Variants in KLHL15 observed in about 807,000 individuals in gnomAD.
The protein encoded by KLHL15 is kelch-like protein 15.
A neutral mutation model predicts 29.3 loss-of-function variants in KLHL15; 1 was observed. The observed-to-expected ratio is 0.03, with a 90% confidence interval of 0.01 to 0.16. The LOEUF (loss-of-function observed/expected upper bound fraction) is 0.16. Among genes scored for constraint, KLHL15 ranks in the 10% least tolerant of loss-of-function variants. The pLI is 1.00. For missense variants in KLHL15, 215 were observed against 478.5 expected, an observed-to-expected ratio of 0.45 and a Z score of 5.14; for synonymous variants, 212 against 184.5, an observed-to-expected ratio of 1.15 and a Z score of -1.21.
At chrX:24,003,637 G>A (rs1167401906) in intron 3 of KLHL15, among the ~76,000 whole-genome samples, 2 of 84,161 alleles carry the variant, frequency 2.4e-5, no homozygotes, top group African/African-American at 1.1e-4. Context: ...ACATGACCTA[G>A]CATAAATATA....
chrX:24,018,151 C>T lies in KLHL15; in HGVS notation c.-8+6706G>A, dbSNP rs59557541. Among the ~76,000 whole-genome samples, 435 of 111,692 alleles carry T rather than the reference C, an allele frequency of 3.9e-3. 1 individual carries two copies. Among genetic ancestry groups the T allele is most frequent in the African/African-American group, 0.014 (419 of 30,773 alleles). On this transcript the variant is annotated intron_variant, in intron 2 of 3. Coordinates refer to ENST00000328046, the MANE Select transcript of KLHL15 (RefSeq NM_030624.3). Reference sequence around the variant, plus strand: ...AATTATATCAATTTAAGGAAGAAAACTATTATAAGAACTACTTTGCAATGG... The same window carrying T: ...AATTATATCAATTTAAGGAAGAAAATTATTATAAGAACTACTTTGCAATGG...
In KLHL15 at chrX:24,013,842, T is replaced by TA. The variant is rs201157029; in HGVS notation, c.-7-7143dup. Among the ~76,000 whole-genome samples, 38 of 109,478 alleles carry TA rather than the reference T, an allele frequency of 3.5e-4. No individual in the cohort carries two copies. In the East Asian group the frequency reaches 5.8e-3, roughly 17 times the overall value. On this transcript the variant is annotated intron_variant, in intron 2 of 3. Transcript: ENST00000328046. ...AAGCAACATAGCGAGTCCCCATCTC[T>TA]AAAAAAAAGTAGTAATAATAGAAAA...
chrX:23,998,047 C>T (rs1007417326), intron 3 of KLHL15, among the ~76,000 whole-genome samples: 10 of 110,876 alleles, frequency 9.0e-5, no homozygotes, highest in South Asian at 3.8e-4. Flanking sequence ...CTGCAACCTC[C>T]GCCTCCCAGG....
intron 2 of KLHL15, among the ~76,000 whole-genome samples, chrX:24,018,286 CTT>C (rs2147110652): frequency 8.9e-6 from 1 of 111,932 alleles, no homozygotes; most frequent in East Asian, 2.8e-4. Flanking sequence ...AATAAGAACT[CTT>C]TAAATGAGTG....
chrX:24,001,115 AAAAT>A (rs987111609), intron 3 of KLHL15, among the ~76,000 whole-genome samples: 107 of 112,101 alleles, frequency 9.5e-4, no homozygotes, highest in Non-Finnish European at 1.7e-3. Flanking sequence ...GCCAGTTTAT[AAAAT>A]AAAATATTTG....
chrX:24,020,809 A>C lies in KLHL15; in HGVS notation c.-8+4048T>G, dbSNP rs371408274. Among the ~76,000 whole-genome samples, 18 of 112,091 alleles carry C rather than the reference A, an allele frequency of 1.6e-4. No homozygotes were observed. In the East Asian group the frequency reaches 3.3e-3, roughly 21 times the overall value. On this transcript the variant is annotated intron_variant, in intron 2 of 3. Transcript: ENST00000328046. ...ATCTTCTAAGTTCTATTCTAACATG[A>C]AATCACAAATACTGTAATGTTAGCC...
chrX:23,994,046 C>CAA (rs35880434), intron 3 of KLHL15, among the ~76,000 whole-genome samples: 14,816 of 57,487 alleles, frequency 0.26, 2,050 homozygotes, highest in African/African-American at 0.48. Flanking sequence ...GACCTTGTCT[C>CAA]AAAAAAAAAA....
chrX:24,009,682 T>C (rs1396801731), intron 2 of KLHL15, among the ~76,000 whole-genome samples: 2 of 63,252 alleles, frequency 3.2e-5, no homozygotes, highest in Non-Finnish European at 5.1e-5. Context: ...CGAGGTTCCA[T>C]TTTCAAAAAA....
intron 2 of KLHL15, among the ~76,000 whole-genome samples, chrX:24,019,223 A>T (rs939375028): frequency 8.9e-6 from 1 of 111,870 alleles, no homozygotes; most frequent in African/African-American, 3.2e-5. Context: ...TATTTTTCAT[A>T]AAAAAATGTT....
intron 2 of KLHL15, among the ~76,000 whole-genome samples, chrX:24,013,863 G>GA (rs938664062): frequency 9.1e-6 from 1 of 109,868 alleles, no homozygotes; most frequent in Non-Finnish European, 1.9e-5. Flanking sequence ...AGTAATAATA[G>GA]AAAAAAACAA....
intron 3 of KLHL15, among the ~76,000 whole-genome samples, chrX:24,001,949 C>T (rs932417848): frequency 9.4e-6 from 1 of 106,921 alleles, no homozygotes; most frequent in East Asian, 3.0e-4. Flanking sequence ...CTGGCTAACA[C>T]AGTGAAACCC....
At chrX:24,002,603 GTTTTT>G (rs576565042) in intron 3 of KLHL15, among the ~76,000 whole-genome samples, 1 of 83,726 alleles carries the variant, frequency 1.2e-5, no homozygotes. Context: ...CCTAGGCTAT[GTTTTT>G]TTTTTTTTTT....
chrX:24,009,633 C>T (rs1273827266), intron 2 of KLHL15, among the ~76,000 whole-genome samples: 2 of 104,806 alleles, frequency 1.9e-5, no homozygotes, highest in African/African-American at 3.5e-5. Context: ...TCACAGTGAG[C>T]CAAGACTGCA....
chrX:24,012,880 A>G (rs951021505), intron 2 of KLHL15, among the ~76,000 whole-genome samples: 1 of 111,815 alleles, frequency 8.9e-6, no homozygotes, highest in African/African-American at 3.3e-5. Context: ...CTTATCTAAG[A>G]CAGCAAAGTA....
Position 23,988,959 on chromosome X carries a change from A to C in KLHL15, c.777T>G (p.Phe259Leu). 8.3e-7 allele frequency: 1 copy of C among 1,211,252 alleles called. No homozygotes were observed. Among genetic ancestry groups the C allele is most frequent in the Non-Finnish European group, 1.1e-6 (1 of 895,073 alleles). The change falls in exon 4 of 4, where the codon TTT becomes TTG. Residue 259 changes from phenylalanine to leucine, a missense_variant. By Grantham distance (22) the Phe-to-Leu change is conservative (BLOSUM62 0). Coordinates refer to ENST00000328046, the MANE Select transcript of KLHL15 (RefSeq NM_030624.3). ...RYEVDQALNY[F>L]QNVHQQPLLD... ...ACAAAGGCTGCTGGTGAACATTCTG[A>C]AAGTAATTCAATGCTTGGTCAACTT... is the stretch of plus-strand genomic sequence containing the variant.
At chrX:24,003,373 G>A (rs989506727) in intron 3 of KLHL15, among the ~76,000 whole-genome samples, 9 of 97,782 alleles carry the variant, frequency 9.2e-5, no homozygotes, top group Admixed American at 5.4e-4. Context: ...GTGAAACCCC[G>A]TCTCTACTAA....
chrX:24,017,032 G>GC (rs1294107310), intron 2 of KLHL15, among the ~76,000 whole-genome samples: 1 of 109,749 alleles, frequency 9.1e-6, no homozygotes, highest in Non-Finnish European at 1.9e-5. Context: ...TCTAGCCTGC[G>GC]CAACATATCA....
chrX:24,004,892 G>T (rs1929416011), intron 3 of KLHL15, among the ~76,000 whole-genome samples: 1 of 110,638 alleles, frequency 9.0e-6, no homozygotes, highest in African/African-American at 3.3e-5. Context: ...CCACAAAACT[G>T]AATTCTCAGT....
At chrX:24,017,987 C>T (rs1026984622) in intron 2 of KLHL15, among the ~76,000 whole-genome samples, 21 of 109,671 alleles carry the variant, frequency 1.9e-4, no homozygotes, top group Non-Finnish European at 3.8e-4. Context: ...CTCCTGTGGC[C>T]CCAGCTACTT....
Sources: gnomAD v4.1 joint callset for allele counts (sites outside exome capture counted in the v4.1 genomes callset) on GRCh38, gnomAD v4.1.1 for gene constraint, MANE v1.5 for transcripts, NCBI Gene and HGNC (gene_info 2026-07-23, HGNC 2026-07-21) for gene names.